The following GRIK2 variants were observed in gnomAD, a reference collection of about 807,000 sequenced individuals.
GRIK2 encodes the protein glutamate ionotropic receptor kainate type subunit 2, also known as glutamate receptor ionotropic, kainate 2.
In GRIK2, 32 loss-of-function variants were observed where a neutral mutation model predicts 100.3. The ratio of observed to expected loss-of-function variants is 0.32; its 90% CI spans 0.24 to 0.43. GRIK2 has a LOEUF of 0.43. Among genes scored for constraint, GRIK2 ranks in the 20% least tolerant of loss-of-function variants. The pLI is 1.00. For missense variants in GRIK2, 843 were observed against 1,114.9 expected, an observed-to-expected ratio of 0.76 and a Z score of 3.47; for synonymous variants, 417 against 389.4, an observed-to-expected ratio of 1.07 and a Z score of -0.83.
At chr6:101,430,925 C>T (rs1019436952) in intron 2 of GRIK2, 21 of 333,494 alleles carry the variant, frequency 6.3e-5, no homozygotes, top group South Asian at 1.4e-4. Flanking sequence ...TCATGAGGTC[C>T]AGGTGCAGGA....
intron 2 of GRIK2, among the ~76,000 whole-genome samples, chr6:101,555,854 G>A (rs1776711109): frequency 6.6e-6 from 1 of 152,082 alleles, no homozygotes; most frequent in Admixed American, 6.5e-5. Flanking sequence ...TGACAAAAAT[G>A]TCTTATGATG....
chr6:101,660,259 G>T (rs1769514798), intron 4 of GRIK2, among the ~76,000 whole-genome samples: 2 of 151,706 alleles, frequency 1.3e-5, no homozygotes, highest in Non-Finnish European at 2.9e-5. Context: ...CCACTTGTTT[G>T]ATTCAGCTAT....
At chr6:101,491,974 T>A (rs1773144273) in intron 2 of GRIK2, among the ~76,000 whole-genome samples, 1 of 151,878 alleles carries the variant, frequency 6.6e-6, no homozygotes, top group African/African-American at 2.4e-5. Context: ...CAAAAATTGT[T>A]TCTGTTATAT....
At chr6:101,526,467 T>C (rs571955800) in intron 2 of GRIK2, among the ~76,000 whole-genome samples, 16 of 152,330 alleles carry the variant, frequency 1.1e-4, no homozygotes, top group African/African-American at 3.6e-4. Flanking sequence ...CTGAGATAAC[T>C]TGTTGGGTAA....
chr6:101,985,679 G>A lies in GRIK2; in HGVS notation c.2086-49662G>A, dbSNP rs961393776. Among the ~76,000 whole-genome samples, 5 of 151,844 alleles carry A rather than the reference G, an allele frequency of 3.3e-5. No homozygotes were observed. The East Asian group carries it at 5.9e-4, about 18-fold the overall frequency. On this transcript the variant is annotated intron_variant, in intron 14 of 16. Transcript: ENST00000369134. ...AGGTCAAAAGATAATCACTGGGTGG[G>A]ATAAAATGTGAAGGTATAATCCAGA...
rs565647567 is a variant in GRIK2 at position 101,941,595 on chromosome 6, G to A, written c.2085+12963G>A. 2.1e-4 allele frequency among the ~76,000 whole-genome samples: 32 copies of A among 152,052 alleles called. No individual in the cohort carries two copies. In the East Asian group the frequency reaches 2.9e-3, roughly 14 times the overall value. On this transcript the variant is annotated intron_variant, in intron 14 of 16. Coordinates refer to ENST00000369134, the MANE Select transcript of GRIK2 (RefSeq NM_021956.5). Reference sequence around the variant, plus strand: ...AAAATATGTTTTGACAGAGTCTGAAGTTACACTTTTGGACTGTTATACAAT... The same window carrying A: ...AAAATATGTTTTGACAGAGTCTGAAATTACACTTTTGGACTGTTATACAAT...
chr6:101,938,782 A>G lies in GRIK2; in HGVS notation c.2085+10150A>G, dbSNP rs138479871. Among the ~76,000 whole-genome samples, 472 of 152,190 alleles carry G rather than the reference A, an allele frequency of 3.1e-3. 1 individual carries two copies. The highest frequency in any genetic ancestry group is 0.011 in the African/African-American group (460 of 41,574). Reference sequence around the variant, plus strand: ...TTTGAGTTAAATTATGGATGGTTATATAATTCATTTTTCTATACCCAGTTT... The same window carrying G: ...TTTGAGTTAAATTATGGATGGTTATGTAATTCATTTTTCTATACCCAGTTT... On this transcript the variant is annotated intron_variant, in intron 14 of 16. Coordinates refer to ENST00000369134, the MANE Select transcript of GRIK2 (RefSeq NM_021956.5).
At chr6:101,911,091 G>A (rs116434724) in intron 12 of GRIK2, among the ~76,000 whole-genome samples, 62 of 151,460 alleles carry the variant, frequency 4.1e-4, no homozygotes, top group African/African-American at 1.5e-3. Context: ...TTCTGTTGGG[G>A]ATACAGTAAA....
At chr6:102,033,619 G>A (rs1226262271) in intron 14 of GRIK2, among the ~76,000 whole-genome samples, 4 of 151,294 alleles carry the variant, frequency 2.6e-5, no homozygotes, top group African/African-American at 9.7e-5. Context: ...CCTGGTAGGT[G>A]ACCAGCAGAT....
chr6:101,867,759 A>C lies in GRIK2; in HGVS notation c.1524+8266A>C, dbSNP rs1457140218. Among the ~76,000 whole-genome samples, 3 of 151,176 alleles carry C rather than the reference A, an allele frequency of 2.0e-5. No homozygotes were observed. The East Asian group carries it at 5.8e-4, about 29-fold the overall frequency. On this transcript the variant is annotated intron_variant, in intron 11 of 16. Coordinates refer to ENST00000369134, the MANE Select transcript of GRIK2 (RefSeq NM_021956.5). Reference sequence around the variant, plus strand: ...ATTAATATTATGTTTAGAAATATTTATATATATTTTTAAATTTAAATTTTT... The same window carrying C: ...ATTAATATTATGTTTAGAAATATTTCTATATATTTTTAAATTTAAATTTTT...
intron 2 of GRIK2, 35 bp downstream of exon 2, chr6:101,399,427 C>A: frequency 9.5e-7 from 1 of 1,057,204 alleles, no homozygotes; most frequent in Non-Finnish European, 1.5e-6. Flanking sequence ...TGCCTGGTAT[C>A]CGCTCCCAGG....
intron 14 of GRIK2, among the ~76,000 whole-genome samples, chr6:101,947,996 T>G (rs1222234843): frequency 6.6e-6 from 1 of 152,174 alleles, no homozygotes; most frequent in Non-Finnish European, 1.5e-5. Flanking sequence ...TTTACCAAAA[T>G]GTAGAAACCT....
At chr6:101,737,410 C>A (rs1334034606) in intron 7 of GRIK2, among the ~76,000 whole-genome samples, 1 of 152,144 alleles carries the variant, frequency 6.6e-6, no homozygotes, top group Non-Finnish European at 1.5e-5. Context: ...GGGAGCCTCA[C>A]AATCATGGCA....
At chr6:101,783,308 C>T (rs996992673) in intron 7 of GRIK2, among the ~76,000 whole-genome samples, 2 of 148,428 alleles carry the variant, frequency 1.3e-5, no homozygotes, top group Non-Finnish European at 2.9e-5. Flanking sequence ...GACAGTTTCC[C>T]ATTTGCATGC....
chr6:101,909,079 AAC>A (rs941501703), intron 12 of GRIK2, among the ~76,000 whole-genome samples: 6 of 151,244 alleles, frequency 4.0e-5, no homozygotes, highest in African/African-American at 1.5e-4. Flanking sequence ...CAAAGTAAAA[AAC>A]ACAAAGGTTA....
At chr6:101,881,038 A>C (rs1203341132) in intron 11 of GRIK2, among the ~76,000 whole-genome samples, 1 of 151,930 alleles carries the variant, frequency 6.6e-6, no homozygotes, top group African/African-American at 2.4e-5. Context: ...TTTGTACTGA[A>C]GTCACTCTAC....
intron 10 of GRIK2, among the ~76,000 whole-genome samples, chr6:101,857,269 G>T (rs2128442225): frequency 6.6e-6 from 1 of 152,240 alleles, no homozygotes; most frequent in South Asian, 2.1e-4. Context: ...GCAGAGCAGG[G>T]AGATAAAATG....
intron 2 of GRIK2, among the ~76,000 whole-genome samples, chr6:101,586,099 G>A (rs78730445): frequency 0.16 from 23,816 of 151,858 alleles, 2,280 homozygotes; most frequent in Middle Eastern, 0.26. Flanking sequence ...TCCTGAAGCT[G>A]GGCGCCTACA....
At chr6:101,763,357 A>G (rs1055120715) in intron 7 of GRIK2, among the ~76,000 whole-genome samples, 39 of 152,334 alleles carry the variant, frequency 2.6e-4, no homozygotes, top group Admixed American at 6.5e-5. Flanking sequence ...GAAATGGCAT[A>G]TAAGTCTTAT....
Sources: gnomAD v4.1 joint callset for allele counts (sites outside exome capture counted in the v4.1 genomes callset) on GRCh38, gnomAD v4.1.1 for gene constraint, MANE v1.5 for transcripts, NCBI Gene and HGNC (gene_info 2026-07-23, HGNC 2026-07-21) for gene names.